The following FILIP1 variants were observed in gnomAD, a reference collection of about 807,000 sequenced individuals.
FILIP1 encodes filamin A interacting protein 1.
A neutral mutation model predicts 102.1 loss-of-function variants in FILIP1; 61 were observed. The observed-to-expected ratio is 0.60, with a 90% CI of 0.49 to 0.74. The LOEUF is 0.74. FILIP1 is among the 30% of genes least tolerant of loss of function. FILIP1 has a pLI of 0.00. For synonymous variants in FILIP1, 491 were observed against 526.9 expected (o/e 0.93, Z 0.93); for missense variants, 1,314 against 1,441.2 (o/e 0.91, Z 1.43).
chr6:75,349,167 A>G (rs1241990909), intron 4 of FILIP1, among the ~76,000 whole-genome samples: 3 of 152,214 alleles, frequency 2.0e-5, no homozygotes, highest in African/African-American at 7.2e-5. Context: ...AGATTCAAAC[A>G]ACATCAAACA....
At chr6:75,459,102 T>C (rs1778936099) in intron 1 of FILIP1, among the ~76,000 whole-genome samples, 1 of 152,186 alleles carries the variant, frequency 6.6e-6, no homozygotes, top group Non-Finnish European at 1.5e-5. Flanking sequence ...ACATGGCTCA[T>C]CTAAGTAAAG....
At chr6:75,339,712 C>T (rs1052057474) in intron 4 of FILIP1, among the ~76,000 whole-genome samples, 1 of 152,148 alleles carries the variant, frequency 6.6e-6, no homozygotes, top group African/African-American at 2.4e-5. Context: ...CTTTGGGAGG[C>T]CAAGGCAGGG....
intron 2 of FILIP1, among the ~76,000 whole-genome samples, chr6:75,363,569 CAG>C (rs1343876596): frequency 6.6e-6 from 1 of 152,080 alleles, no homozygotes; most frequent in African/African-American, 2.4e-5. Context: ...CTTGGTAGGT[CAG>C]AGTTTTGTTT....
chr6:75,318,972 G>C (rs1221224740), intron 4 of FILIP1: 23 of 585,058 alleles, frequency 3.9e-5, no homozygotes, highest in Non-Finnish European at 1.8e-5. Flanking sequence ...AGAGTGAGTT[G>C]TGTACAGGGA....
At chr6:75,349,855 A>G (rs1774728615) in intron 4 of FILIP1, among the ~76,000 whole-genome samples, 2 of 152,206 alleles carry the variant, frequency 1.3e-5, no homozygotes, top group South Asian at 4.1e-4. Flanking sequence ...CGGGAAAGAA[A>G]GCCTCGGGGT....
chr6:75,372,718 G>GAA lies in FILIP1; in HGVS notation c.277-9803_277-9802dup, dbSNP rs1562515339. On this transcript the variant is annotated intron_variant, in intron 2 of 5. Coordinates refer to ENST00000237172, the MANE Select transcript of FILIP1 (RefSeq NM_015687.5). ...AAGAGAAAGAAAGAAAGAAAGGAAA[G>GAA]AAAGAGAAAGAGAAAGAAAGAAAGA... Among the ~76,000 whole-genome samples the GAA allele has an allele frequency of 1.5e-3, 75 of 48,648 alleles. 7 individuals carry two copies. The highest frequency in any genetic ancestry group is 8.6e-3 in the African/African-American group (71 of 8,274). The allele number at this position is 48,648 out of a possible 152,430, so 31.9% of individuals were successfully genotyped here.
At chr6:75,437,744 C>T (rs797022541) in intron 1 of FILIP1, among the ~76,000 whole-genome samples, 19 of 152,254 alleles carry the variant, frequency 1.2e-4, no homozygotes, top group African/African-American at 4.6e-4. Flanking sequence ...TGGGGAGGAA[C>T]TGTCATCAAG....
At chr6:75,487,311 T>C (rs554696717) in intron 1 of FILIP1, among the ~76,000 whole-genome samples, 3 of 152,290 alleles carry the variant, frequency 2.0e-5, no homozygotes, top group Admixed American at 6.5e-5. Context: ...TTAGTGTGTG[T>C]TGTCGTCACA....
At chr6:75,338,033 A>G (rs1774299056) in intron 4 of FILIP1, among the ~76,000 whole-genome samples, 1 of 152,170 alleles carries the variant, frequency 6.6e-6, no homozygotes, top group African/African-American at 2.4e-5. Flanking sequence ...GTCATAGTCC[A>G]CCATTTCCTG....
chr6:75,406,517 A>G (rs980473123), intron 2 of FILIP1, among the ~76,000 whole-genome samples: 1 of 151,948 alleles, frequency 6.6e-6, no homozygotes, highest in African/African-American at 2.4e-5. Flanking sequence ...CTATTCATCT[A>G]TCCTAAGTCA....
intron 3 of FILIP1, among the ~76,000 whole-genome samples, chr6:75,354,461 C>T (rs1774919198): frequency 6.6e-6 from 1 of 150,970 alleles, no homozygotes; most frequent in Non-Finnish European, 1.5e-5. Context: ...ATCCCAGCTA[C>T]TCGGGAGGCT....
intron 3 of FILIP1, among the ~76,000 whole-genome samples, chr6:75,359,916 AGGTG>A (rs1703206655): frequency 6.6e-6 from 1 of 152,242 alleles, no homozygotes; most frequent in Non-Finnish European, 1.5e-5. Flanking sequence ...TTAAATACTC[AGGTG>A]GGAAAAATTG....
chr6:75,398,208 A>T (rs1480559964), intron 2 of FILIP1: 1 of 152,142 alleles, frequency 6.6e-6, no homozygotes, highest in Non-Finnish European at 1.5e-5. Flanking sequence ...TTCTCTCTTA[A>T]ATACAGAGTT....
intron 5 of FILIP1, among the ~76,000 whole-genome samples, chr6:75,311,422 C>A (rs1474765725): frequency 4.6e-5 from 7 of 150,792 alleles, no homozygotes; most frequent in Non-Finnish European, 1.0e-4. Context: ...AATTTAAGTT[C>A]CGGCTTTTGT....
At chr6:75,391,641 T>C (rs1242334150) in intron 2 of FILIP1, among the ~76,000 whole-genome samples, 1 of 152,150 alleles carries the variant, frequency 6.6e-6, no homozygotes, top group African/African-American at 2.4e-5. Context: ...CTAAATCCCA[T>C]CCTCTTTTGA....
At chr6:75,395,615 C>CTATT (rs1408022243) in intron 2 of FILIP1, among the ~76,000 whole-genome samples, 1 of 152,118 alleles carries the variant, frequency 6.6e-6, no homozygotes, top group African/African-American at 2.4e-5. Context: ...CCCTAGAATT[C>CTATT]TATTTTGGTG....
At chr6:75,372,704 A>G (rs1775592245) in intron 2 of FILIP1, among the ~76,000 whole-genome samples, 1 of 55,530 alleles carries the variant, frequency 1.8e-5, no homozygotes, top group African/African-American at 1.2e-4. Flanking sequence ...AGAGAAAGAA[A>G]GAAAGAAAGG....
intron 4 of FILIP1, among the ~76,000 whole-genome samples, chr6:75,349,215 C>A (rs1441884865): frequency 6.6e-6 from 1 of 152,142 alleles, no homozygotes; most frequent in Non-Finnish European, 1.5e-5. Context: ...TACTACTGAT[C>A]CTGTGAGCCT....
Position 75,314,389 on chromosome 6 carries a change from T to G in FILIP1, c.1443A>C (p.Glu481Asp). ...CCTTTTCCAATCTACTTTCAGAACATTCCAATTCTTTAACTCGACTCTTGA... is the reference window on the plus strand; with the variant it reads ...CCTTTTCCAATCTACTTTCAGAACAGTCCAATTCTTTAACTCGACTCTTGA... ...EVVKSRVKEL[E>D]CSESRLEKAE... The change falls in exon 5 of 6, where the codon GAA becomes GAC. Residue 481 changes from glutamate (E) to aspartate (D), a missense_variant. This residue lies in a region of FILIP1 where 816 missense variants were observed against 913.1 expected (regional missense o/e 0.89). Transcript: ENST00000237172. 6.5e-7 allele frequency: 1 copy of G among 1,532,650 alleles called. No homozygotes were observed. Among genetic ancestry groups the G allele is most frequent in the South Asian group, 1.3e-5 (1 of 74,678 alleles). The allele number at this position is 1,532,650 out of a possible 1,614,324, so 94.9% of individuals were successfully genotyped here. A position where few individuals can be genotyped will look rare whatever the true frequency, so the allele number is the denominator to read the frequency against.
Sources: gnomAD v4.1 joint callset for allele counts (sites outside exome capture counted in the v4.1 genomes callset) on GRCh38, gnomAD v4.1.1 for gene constraint, gnomAD v4.1.1 regional missense constraint, MANE v1.5 for transcripts, NCBI Gene and HGNC (gene_info 2026-07-23, HGNC 2026-07-21) for gene names.